The following PCSK6 variants were observed in gnomAD, a reference collection of about 807,000 sequenced individuals.
The protein encoded by PCSK6 is paired basic amino acid cleaving enzyme 4.
Under a neutral mutation model 123.3 loss-of-function variants are expected in PCSK6, and 85 were observed. The observed-to-expected ratio is 0.69, with a 90% CI of 0.58 to 0.83. The LOEUF (loss-of-function observed/expected upper bound fraction) is 0.83, where lower values mean the gene tolerates loss of function less well. Among genes scored for constraint, PCSK6 ranks in the 40% least tolerant of loss-of-function variants. The pLI, the probability that PCSK6 is intolerant of heterozygous loss-of-function variation, is 0.00. For synonymous variants in PCSK6, 508 were observed against 516.0 expected (o/e 0.98, Z 0.21); for missense variants, 1,191 against 1,282.3 (o/e 0.93, Z 1.09).
chr15:101,313,494 C>T lies in PCSK6; in HGVS notation c.2581G>A (p.Glu861Lys). Residue 861 changes from glutamate (E) to lysine (K), a missense_variant, in exon 20 of 22, where the codon GAA becomes AAA. Transcript: ENST00000611716. ...TCGTCVGPGR[E>K]ECIHCAKNFH... ...TTTTTCGCACAGTGAATGCACTCTT[C>T]TCTGCCTGGCCCTGAGAGACACAGG... 1 of 1,602,028 alleles carries T rather than the reference C, an allele frequency of 6.2e-7. No individual in the cohort carries two copies. Among genetic ancestry groups the T allele is most frequent in the Non-Finnish European group, 8.5e-7 (1 of 1,176,918 alleles).
chr15:101,344,829 T>C (rs1241085565), intron 13 of PCSK6, among the ~76,000 whole-genome samples: 1 of 152,108 alleles, frequency 6.6e-6, no homozygotes, highest in Admixed American at 6.6e-5. Flanking sequence ...CTAATTTTTG[T>C]ATTTTTAGTA....
intron 6 of PCSK6, among the ~76,000 whole-genome samples, chr15:101,416,332 G>A (rs1330231968): frequency 6.6e-6 from 1 of 152,232 alleles, no homozygotes; most frequent in South Asian, 2.1e-4. Context: ...ATGATTTAGA[G>A]TATCTGGCAG....
chr15:101,327,467 G>A (rs886507357), intron 15 of PCSK6, among the ~76,000 whole-genome samples: 10 of 152,262 alleles, frequency 6.6e-5, no homozygotes, highest in Admixed American at 1.3e-4. Flanking sequence ...TCCCTCCTAC[G>A]CTGGGAAACG....
chr15:101,442,673 G>T (rs1024366847), intron 2 of PCSK6, among the ~76,000 whole-genome samples: 7 of 151,998 alleles, frequency 4.6e-5, no homozygotes, highest in African/African-American at 1.2e-4. Context: ...CAGCCAGGGG[G>T]CCCAAACAAA....
At chr15:101,476,087 T>C (rs1346482833) in intron 1 of PCSK6, among the ~76,000 whole-genome samples, 1 of 152,204 alleles carries the variant, frequency 6.6e-6, no homozygotes. Context: ...GTTGTGTAAC[T>C]GGGAAAAAGT....
intron 6 of PCSK6, among the ~76,000 whole-genome samples, chr15:101,404,447 G>A (rs1567196369): frequency 6.6e-6 from 1 of 152,172 alleles, no homozygotes; most frequent in Non-Finnish European, 1.5e-5. Flanking sequence ...GGCTGTGTCA[G>A]GGACACTGGG....
chr15:101,337,571 T>C (rs2040510096), intron 13 of PCSK6: 1 of 152,250 alleles, frequency 6.6e-6, no homozygotes, highest in Non-Finnish European at 1.5e-5. Context: ...TATGCATGTG[T>C]ATTTCTTGCA....
chr15:101,489,324 GCC>G, intron 1 of PCSK6, 48 bp downstream of exon 1: 1 of 1,088,776 alleles, frequency 9.2e-7, no homozygotes, highest in Non-Finnish European at 1.1e-6. Context: ...CCTCGCGCGC[GCC>G]GGAGGCCGCC....
chr15:101,427,281 A>T (rs924420771), intron 6 of PCSK6, among the ~76,000 whole-genome samples: 1 of 152,158 alleles, frequency 6.6e-6, no homozygotes, highest in Non-Finnish European at 1.5e-5. Flanking sequence ...GGACAGCTGG[A>T]TCCAGGGAGC....
At chr15:101,447,006 C>T (rs1019672737) in intron 1 of PCSK6, among the ~76,000 whole-genome samples, 1 of 152,156 alleles carries the variant, frequency 6.6e-6, no homozygotes, top group Non-Finnish European at 1.5e-5. Context: ...TCAAAGGTGA[C>T]ACAGCAGGAG....
chr15:101,369,412 T>A (rs563077413), intron 12 of PCSK6, among the ~76,000 whole-genome samples: 1 of 152,306 alleles, frequency 6.6e-6, no homozygotes, highest in East Asian at 1.9e-4. Flanking sequence ...GGCCACAGCC[T>A]CAGGCAGGTC....
At chr15:101,430,950 C>G (rs1244343307) in intron 4 of PCSK6, among the ~76,000 whole-genome samples, 1 of 152,186 alleles carries the variant, frequency 6.6e-6, no homozygotes, top group Non-Finnish European at 1.5e-5. Flanking sequence ...TTTGCAGACC[C>G]AGGATAGGAA....
At chr15:101,465,990 C>T (rs976162755) in intron 1 of PCSK6, among the ~76,000 whole-genome samples, 4 of 151,970 alleles carry the variant, frequency 2.6e-5, no homozygotes, top group African/African-American at 7.3e-5. Flanking sequence ...GATCCAACAA[C>T]GCCAGCAAGG....
chr15:101,462,434 C>A (rs2057360527), intron 1 of PCSK6, among the ~76,000 whole-genome samples: 1 of 152,090 alleles, frequency 6.6e-6, no homozygotes, highest in African/African-American at 2.4e-5. Context: ...CAAGTTGATT[C>A]AAAGTTAATA....
At chr15:101,453,864 T>C (rs2057103423) in intron 1 of PCSK6, among the ~76,000 whole-genome samples, 1 of 152,214 alleles carries the variant, frequency 6.6e-6, no homozygotes, top group Non-Finnish European at 1.5e-5. Flanking sequence ...ACTCTCAGCA[T>C]AGGGCAGCTC....
chr15:101,349,837 T>C (rs1349635231), intron 13 of PCSK6, among the ~76,000 whole-genome samples: 1 of 152,190 alleles, frequency 6.6e-6, no homozygotes, highest in Non-Finnish European at 1.5e-5. Flanking sequence ...TTCACACATT[T>C]GTTCTACCAT....
chr15:101,476,907 C>T (rs537759641), intron 1 of PCSK6, among the ~76,000 whole-genome samples: 3 of 152,218 alleles, frequency 2.0e-5, no homozygotes, highest in Admixed American at 6.5e-5. Flanking sequence ...CTGGTGATGC[C>T]GGACGGGAGA....
rs944686635 is a variant in PCSK6, at chr15:101,446,622, G to A, written c.298-2962C>T. Among the ~76,000 whole-genome samples the A allele has an allele frequency of 5.3e-5, 8 of 152,172 alleles. No individual in the cohort carries two copies. The South Asian group carries it at 1.7e-3, about 32-fold the overall frequency. On this transcript the variant is annotated intron_variant, in intron 1 of 21. Coordinates refer to ENST00000611716, the MANE Select transcript of PCSK6 (RefSeq NM_002570.5). Reference sequence around the variant, plus strand: ...GAGTGGTTGCAACAGAGACCCTAGAGCCCACGAGGATCAAAGAGTTCATAT... The same window carrying A: ...GAGTGGTTGCAACAGAGACCCTAGAACCCACGAGGATCAAAGAGTTCATAT...
In PCSK6 at chr15:101,318,233, G is replaced by A. The variant is rs1053220828; in HGVS notation, c.2569+86C>T. 4.1e-5 allele frequency: 39 copies of A among 951,758 alleles called. No individual in the cohort carries two copies. In the African/African-American group the frequency reaches 4.8e-4, roughly 12 times the overall value. The allele number at this position is 951,758 out of a possible 1,614,324, so 59.0% of individuals were successfully genotyped here. Reference sequence around the variant, plus strand: ...TGCTGCAATAAATGCAGAAGCCCACGAAGTCCTAGGGCTTTCTCGGGTTCA... The same window carrying A: ...TGCTGCAATAAATGCAGAAGCCCACAAAGTCCTAGGGCTTTCTCGGGTTCA... On this transcript the variant is annotated intron_variant, in intron 19 of 21. Transcript: ENST00000611716.
Sources: gnomAD v4.1 joint callset for allele counts (sites outside exome capture counted in the v4.1 genomes callset) on GRCh38, gnomAD v4.1.1 for gene constraint, MANE v1.5 for transcripts, NCBI Gene and HGNC (gene_info 2026-07-23, HGNC 2026-07-21) for gene names.